The following FAM171A1 variants were observed in gnomAD, a reference collection of about 807,000 sequenced individuals.
FAM171A1 encodes the protein protein FAM171A1.
A neutral mutation model predicts 74.9 loss-of-function variants in FAM171A1; 23 were observed. The observed-to-expected ratio is 0.31, with a 90% confidence interval of 0.22 to 0.44. FAM171A1 has a LOEUF of 0.44. FAM171A1 is among the 20% of genes least tolerant of loss of function. The pLI is 1.00. For missense variants in FAM171A1, 1,162 were observed against 1,159.2 expected, an observed-to-expected ratio of 1.00 and a Z score of -0.03; for synonymous variants, 527 against 505.7, an observed-to-expected ratio of 1.04 and a Z score of -0.57.
chr10:15,224,488 G>T (rs540714856), intron 5 of FAM171A1, among the ~76,000 whole-genome samples: 1 of 152,220 alleles, frequency 6.6e-6, no homozygotes, highest in Non-Finnish European at 1.5e-5. Context: ...CCCTGATAGG[G>T]TTTGGCTATG....
chr10:15,363,090 A>G (rs1836015768), intron 1 of FAM171A1, among the ~76,000 whole-genome samples: 1 of 152,210 alleles, frequency 6.6e-6, no homozygotes, highest in Non-Finnish European at 1.5e-5. Flanking sequence ...GAAGGAAGTG[A>G]GGGTGTAGAG....
rs140184744 is a variant in FAM171A1 at position 15,278,593 on chromosome 10, T to C, written c.326-2646A>G. Reference sequence around the variant, plus strand: ...CATGAAAGGGAAGGTGCTACTGACATGTGCTACAACGTGGATGAATCTTGG... The same window carrying C: ...CATGAAAGGGAAGGTGCTACTGACACGTGCTACAACGTGGATGAATCTTGG... On this transcript the variant is annotated intron_variant, in intron 2 of 7. Coordinates refer to ENST00000378116, the MANE Select transcript of FAM171A1 (RefSeq NM_001010924.2). Among the ~76,000 whole-genome samples, 218 of 152,292 alleles carry C rather than the reference T, an allele frequency of 1.4e-3. 1 individual carries two copies. Among genetic ancestry groups the C allele is most frequent in the Middle Eastern group, 0.01 (3 of 294 alleles).
At chr10:15,231,492 C>G (rs1429163501) in intron 5 of FAM171A1, among the ~76,000 whole-genome samples, 9 of 152,080 alleles carry the variant, frequency 5.9e-5, no homozygotes, top group Non-Finnish European at 1.5e-5. Flanking sequence ...TGTGAGCCAC[C>G]GTGCACAGCC....
intron 3 of FAM171A1, among the ~76,000 whole-genome samples, chr10:15,275,142 A>G (rs1054422528): frequency 2.6e-5 from 4 of 152,126 alleles, no homozygotes; most frequent in African/African-American, 9.7e-5. Flanking sequence ...TAGGAGATAT[A>G]CCTAATGTAA....
At chr10:15,287,793 G>A (rs1486822917) in intron 1 of FAM171A1, among the ~76,000 whole-genome samples, 1 of 151,940 alleles carries the variant, frequency 6.6e-6, no homozygotes, top group Non-Finnish European at 1.5e-5. Flanking sequence ...TAGGTTTTAG[G>A]GGAACAGGTG....
At chr10:15,287,459 C>T (rs1359830496) in intron 1 of FAM171A1, among the ~76,000 whole-genome samples, 1 of 150,872 alleles carries the variant, frequency 6.6e-6, no homozygotes, top group Non-Finnish European at 1.5e-5. Flanking sequence ...GCGATCTTGG[C>T]TCACTGCAAC....
chr10:15,352,814 GCTCA>G (rs1835894288), intron 1 of FAM171A1, among the ~76,000 whole-genome samples: 1 of 152,190 alleles, frequency 6.6e-6, no homozygotes, highest in Admixed American at 6.5e-5. Flanking sequence ...GGGCTAAAAG[GCTCA>G]CTCTTGGAGT....
chr10:15,358,316 C>G (rs1288489109), intron 1 of FAM171A1, among the ~76,000 whole-genome samples: 1 of 152,134 alleles, frequency 6.6e-6, no homozygotes, highest in Non-Finnish European at 1.5e-5. Context: ...TAAACTTTTA[C>G]AAGTTCAAAT....
At chr10:15,280,111 A>C (rs1360236050) in intron 2 of FAM171A1, among the ~76,000 whole-genome samples, 3 of 151,950 alleles carry the variant, frequency 2.0e-5, no homozygotes, top group Non-Finnish European at 2.9e-5. Context: ...AACCCAAAAA[A>C]TTTGCCAAGA....
intron 2 of FAM171A1, among the ~76,000 whole-genome samples, chr10:15,282,234 C>T (rs758623092): frequency 2.0e-5 from 3 of 152,066 alleles, no homozygotes; most frequent in African/African-American, 4.8e-5. Context: ...ATGATTCTAC[C>T]GTTTCAAATG....
intron 1 of FAM171A1, among the ~76,000 whole-genome samples, chr10:15,303,435 T>C (rs1448921562): frequency 1.3e-5 from 2 of 152,160 alleles, no homozygotes; most frequent in East Asian, 3.9e-4. Context: ...CAGTTTAAGT[T>C]TCTAGAATGG....
chr10:15,226,509 A>G (rs548257023), intron 5 of FAM171A1, among the ~76,000 whole-genome samples: 17 of 152,284 alleles, frequency 1.1e-4, no homozygotes, highest in African/African-American at 2.6e-4. Context: ...CGTCCCCCCA[A>G]TCCCCACCAC....
At chr10:15,234,813 C>T (rs915720481) in intron 5 of FAM171A1, among the ~76,000 whole-genome samples, 3 of 150,422 alleles carry the variant, frequency 2.0e-5, no homozygotes, top group Admixed American at 6.6e-5. Context: ...CCACCACGCC[C>T]GGCTAATTTT....
chr10:15,268,088 G>A (rs529538607), intron 3 of FAM171A1, among the ~76,000 whole-genome samples: 1 of 152,280 alleles, frequency 6.6e-6, no homozygotes, highest in African/African-American at 2.4e-5. Flanking sequence ...GAAGCCCTGT[G>A]TGTATAAATG....
intron 1 of FAM171A1, among the ~76,000 whole-genome samples, chr10:15,303,368 G>A (rs1224478907): frequency 6.6e-6 from 1 of 152,208 alleles, no homozygotes; most frequent in East Asian, 1.9e-4. Flanking sequence ...GAACAGCGCA[G>A]CACCGTTCCT....
chr10:15,286,859 G>A (rs914582793), intron 1 of FAM171A1, among the ~76,000 whole-genome samples: 2 of 152,232 alleles, frequency 1.3e-5, no homozygotes, highest in African/African-American at 4.8e-5. Context: ...CCTTTGAGGA[G>A]CTCTGAGCTA....
intron 2 of FAM171A1, among the ~76,000 whole-genome samples, chr10:15,279,356 G>A (rs1453215247): frequency 6.6e-6 from 1 of 152,154 alleles, no homozygotes; most frequent in Non-Finnish European, 1.5e-5. Flanking sequence ...CTTGGCACCA[G>A]CAGGGACTTC....
At chr10:15,360,527 TCAG>T (rs540410126) in intron 1 of FAM171A1, among the ~76,000 whole-genome samples, 18 of 152,358 alleles carry the variant, frequency 1.2e-4, no homozygotes, top group Middle Eastern at 3.4e-3. Context: ...TCTGATTAGT[TCAG>T]TTTAGCTATT....
intron 1 of FAM171A1, among the ~76,000 whole-genome samples, chr10:15,354,014 A>T (rs912749597): frequency 6.6e-6 from 1 of 152,244 alleles, no homozygotes; most frequent in African/African-American, 2.4e-5. Context: ...GCAACTCAGA[A>T]TGAATGTCAT....
Sources: gnomAD v4.1 joint callset for allele counts (sites outside exome capture counted in the v4.1 genomes callset) on GRCh38, gnomAD v4.1.1 for gene constraint, MANE v1.5 for transcripts, NCBI Gene and HGNC (gene_info 2026-07-23, HGNC 2026-07-21) for gene names.